PCLO: variants seen among roughly 807,000 people sequenced by gnomAD.
The protein encoded by PCLO is piccolo presynaptic cytomatrix protein.
Under a neutral mutation model 427.5 loss-of-function variants are expected in PCLO, and 82 were observed. The ratio of observed to expected loss-of-function variants is 0.19; its 90% CI spans 0.16 to 0.23. The LOEUF (loss-of-function observed/expected upper bound fraction) is 0.23, where lower values mean the gene tolerates loss of function less well. PCLO is among the 10% of genes least tolerant of loss of function. PCLO has a pLI of 1.00. For missense variants in PCLO, 6,239 were observed against 6,115.9 expected (o/e 1.02, Z -0.67); for synonymous variants, 2,357 against 2,155.4 (o/e 1.09, Z -2.59).
intron 3 of PCLO, among the ~76,000 whole-genome samples, chr7:83,094,107 G>A (rs1246990378): frequency 3.3e-5 from 5 of 150,938 alleles, no homozygotes; most frequent in East Asian, 3.9e-4. Context: ...CTTAACCTTC[G>A]GCCACCCCTA....
Position 83,155,300 on chromosome 7 carries a change from T to A in PCLO, c.1341A>T (p.Gly447=), listed in dbSNP as rs748424281. 49 of 1,613,876 alleles carry A rather than the reference T, an allele frequency of 3.0e-5. No homozygotes were observed. The highest frequency in any genetic ancestry group is 4.1e-5 in the Non-Finnish European group (48 of 1,179,900). Residue 447 remains glycine (G), a synonymous_variant, in exon 2 of 25, where the codon GGA becomes GGT. Coordinates refer to ENST00000333891, the MANE Select transcript of PCLO (RefSeq NM_033026.6). ...GTCCTGCCTGTTGAGCTGGAATCTT[T>A]CCTGGCCCAGGCTGCTGAACTGGAG... The part of the protein sequence containing the change: ...TKTPVQQPGP[G]KIPAQQAGPG...
chr7:82,856,477 C>G (rs1475838383), intron 10 of PCLO, among the ~76,000 whole-genome samples: 1 of 152,098 alleles, frequency 6.6e-6, no homozygotes, highest in Non-Finnish European at 1.5e-5. Context: ...TTTATGGCTA[C>G]AGTTCATTGT....
At position 83,096,956 on chromosome 7, in the gene PCLO, A is replaced by AT. The variant is rs1268829569; in HGVS notation, c.3300+37293_3300+37294insA. Among the ~76,000 whole-genome samples, 464 of 47,194 alleles carry AT rather than the reference A, an allele frequency of 9.8e-3. 104 individuals are homozygous for AT. The highest frequency in any genetic ancestry group is 0.049 in the African/African-American group (278 of 5,672). The allele number at this position is 47,194 out of a possible 152,430, so 31.0% of individuals were successfully genotyped here. On this transcript the variant is annotated intron_variant, in intron 3 of 24. Coordinates refer to ENST00000333891, the MANE Select transcript of PCLO (RefSeq NM_033026.6). Reference sequence around the variant, plus strand: ...ATAATATATTATATATTATATAAATAATATAATATAATATATTATATATTA... The same window carrying AT: ...ATAATATATTATATATTATATAAATATATATAATATAATATATTATATATTA...
intron 10 of PCLO, among the ~76,000 whole-genome samples, chr7:82,879,095 C>CTTTTTT (rs1352561522): frequency 6.6e-6 from 1 of 152,012 alleles, no homozygotes; most frequent in African/African-American, 2.4e-5. Flanking sequence ...AAAGTTTTGA[C>CTTTTTT]TAGTGTTTCT....
intron 9 of PCLO, among the ~76,000 whole-genome samples, chr7:82,899,349 C>G (rs1249265245): frequency 6.6e-6 from 1 of 151,440 alleles, no homozygotes; most frequent in Non-Finnish European, 1.5e-5. Flanking sequence ...GTGCCAGTTT[C>G]TCTGGCACTG....
chr7:82,830,263 G>T (rs533318319), intron 16 of PCLO, among the ~76,000 whole-genome samples: 177 of 151,846 alleles, frequency 1.2e-3, no homozygotes, highest in African/African-American at 3.9e-3. Context: ...TAGTAAACTT[G>T]AAATATTTTA....
In PCLO at chr7:82,953,719, G is replaced by A. The variant is rs267601595; in HGVS notation, c.7234C>T (p.Pro2412Ser). Residue 2412 changes from proline (P) to serine (S), a missense_variant, in exon 5 of 25, where the codon CCC becomes TCC. Pro to Ser is a moderately conservative substitution (Grantham distance 74). Coordinates refer to ENST00000333891, the MANE Select transcript of PCLO (RefSeq NM_033026.6). ...SAQPPPPPPP[P>S]PPPPPPPPPP... ...GGTGGTGGAGGAGGAGGAGGAGGGG[G>A]AGGGGGAGGAGGGGGAGGAGGTTGA... The A allele has an allele frequency of 2.2e-6, 2 of 909,478 alleles. No homozygotes were observed. The highest frequency in any genetic ancestry group is 4.5e-5 in the East Asian group (1 of 22,200). 56.3% of individuals were successfully genotyped at this position (909,478 alleles called of 1,614,324 possible). A position where few individuals can be genotyped will look rare whatever the true frequency, so the allele number is the denominator to read the frequency against.
chr7:82,956,642 T>C lies in PCLO; in HGVS notation c.4311A>G (p.Gln1437=). The stretch of plus-strand genomic sequence containing the variant: ...GCTGTTCAGGAGAAACTTCATGGGG[T>C]TGTGTTTTCTTTTCTGACTTTTCAT... ...LADEKSEKKT[Q]PHEVSPEQPK... is the part of the protein sequence containing the mutation. The change falls in exon 5 of 25, where the codon CAA becomes CAG. Residue 1437 remains glutamine (Q), a synonymous_variant. Transcript: ENST00000333891. The C allele has an allele frequency of 2.5e-6, 4 of 1,613,876 alleles. No individual in the cohort carries two copies. Among genetic ancestry groups the C allele is most frequent in the Non-Finnish European group, 3.4e-6 (4 of 1,179,860 alleles).
intron 3 of PCLO, among the ~76,000 whole-genome samples, chr7:83,099,467 C>A (rs6978654): frequency 0.46 from 69,069 of 149,878 alleles, 16,305 homozygotes; most frequent in East Asian, 0.71. Context: ...TGGCTCACTG[C>A]AACCTCCGCC....
chr7:83,157,148 C>T (rs530240437), intron 1 of PCLO, among the ~76,000 whole-genome samples: 1 of 152,194 alleles, frequency 6.6e-6, no homozygotes, highest in South Asian at 2.1e-4. Flanking sequence ...GGGGATTATC[C>T]CCATGCCTCC....
At chr7:83,092,489 T>A (rs1243152251) in intron 3 of PCLO, among the ~76,000 whole-genome samples, 1 of 152,040 alleles carries the variant, frequency 6.6e-6, no homozygotes, top group East Asian at 1.9e-4. Context: ...TGGGGGCCAG[T>A]CCAAGAAGTG....
At chr7:82,943,535 C>A (rs1795131881) in intron 6 of PCLO, among the ~76,000 whole-genome samples, 2 of 152,120 alleles carry the variant, frequency 1.3e-5, no homozygotes, top group Admixed American at 6.5e-5. Flanking sequence ...TAGGTACCTA[C>A]TAGCTCTAAA....
chr7:83,119,823 GAA>G (rs71074621), intron 3 of PCLO, among the ~76,000 whole-genome samples: 5 of 141,764 alleles, frequency 3.5e-5, no homozygotes, highest in Admixed American at 1.4e-4. Flanking sequence ...AATCCTATCA[GAA>G]AAAAAAAAAG....
intron 3 of PCLO, among the ~76,000 whole-genome samples, chr7:83,078,224 G>A (rs1790005231): frequency 6.6e-6 from 1 of 151,962 alleles, no homozygotes; most frequent in Admixed American, 6.5e-5. Context: ...TCAAAATGAA[G>A]GCATTTAGCA....
intron 20 of PCLO, among the ~76,000 whole-genome samples, chr7:82,813,007 T>A (rs1791604763): frequency 6.6e-6 from 1 of 151,606 alleles, no homozygotes; most frequent in Admixed American, 6.6e-5. Context: ...TTGAAAAAAG[T>A]TCTTACATAA....
chr7:82,816,350 C>T (rs1243270447), intron 20 of PCLO, among the ~76,000 whole-genome samples: 1 of 151,996 alleles, frequency 6.6e-6, no homozygotes, highest in African/African-American at 2.4e-5. Context: ...GTTCCATGAT[C>T]CTCCTATCCA....
chr7:82,954,874 C>T lies in PCLO; in HGVS notation c.6079G>A (p.Glu2027Lys), dbSNP rs1372978097. The T allele has an allele frequency of 6.2e-7, 1 of 1,613,796 alleles. No homozygotes were observed. The change falls in exon 5 of 25, where the codon GAA becomes AAA. Residue 2027 changes from glutamate (E) to lysine (K), a missense_variant. Glu to Lys is a moderately conservative substitution (Grantham distance 56). Coordinates refer to ENST00000333891, the MANE Select transcript of PCLO (RefSeq NM_033026.6). ...ATAAAAGAGCTTGAAACAATATCTT[C>T]CTGAGGCACAACAGAATGTAAGCTT... Reference protein sequence around the residue: ...LESLHSVVPQEDIVSSSFIIP... With the variant: ...LESLHSVVPQKDIVSSSFIIP...
At position 82,915,634 on chromosome 7, in the gene PCLO, G is replaced by T. The variant is rs1338133300; in HGVS notation, c.12352C>A (p.Pro4118Thr). Residue 4118 changes from proline (P) to threonine (T), a missense_variant, in exon 7 of 25, where the codon CCT becomes ACT. By Grantham distance (38) the Pro-to-Thr change is conservative. Transcript: ENST00000333891. ...TGTTTCAGAAGCTTTAACTCGTAAGGATCCTCCATTGGGTCTTCCTCCGCC... is the reference window on the plus strand; with the variant it reads ...TGTTTCAGAAGCTTTAACTCGTAAGTATCCTCCATTGGGTCTTCCTCCGCC... ...VKAEEDPMED[P>T]YELKLLKHQI... is the part of the protein sequence containing the mutation. The T allele has an allele frequency of 6.2e-7, 1 of 1,613,472 alleles. No homozygotes were observed. The highest frequency in any genetic ancestry group is 1.7e-5 in the Admixed American group (1 of 59,924).
At chr7:82,957,990 G>A (rs1409168628) in intron 4 of PCLO, among the ~76,000 whole-genome samples, 1 of 152,118 alleles carries the variant, frequency 6.6e-6, no homozygotes, top group African/African-American at 2.4e-5. Context: ...GTTGCATAAA[G>A]ACTTTTTTGC....
Sources: allele counts gnomAD v4.1 joint callset (sites outside exome capture counted in the v4.1 genomes callset), GRCh38; gene constraint gnomAD v4.1.1; transcripts MANE v1.5; gene names NCBI Gene and HGNC (gene_info 2026-07-23, HGNC 2026-07-21).